The following PLS1 variants were observed in gnomAD, a reference collection of about 807,000 sequenced individuals.
PLS1 encodes plastin-1.
PLS1 carries 32 observed loss-of-function variants against 73.7 expected under a neutral mutation model. That is an observed-to-expected ratio of 0.43 (90% confidence interval 0.33 to 0.58). The LOEUF (loss-of-function observed/expected upper bound fraction) is 0.58. Ranked by LOEUF, PLS1 falls within the 20% of genes least tolerant of loss-of-function variation. PLS1 has a pLI of 0.04. For missense variants in PLS1, 633 were observed against 740.5 expected, an observed-to-expected ratio of 0.85 and a Z score of 1.68; for synonymous variants, 217 against 261.3, an observed-to-expected ratio of 0.83 and a Z score of 1.63.
chr3:142,668,916 T>C (rs929361358), intron 2 of PLS1, among the ~76,000 whole-genome samples: 1 of 152,174 alleles, frequency 6.6e-6, no homozygotes, highest in African/African-American at 2.4e-5. Flanking sequence ...CCATGCTTAT[T>C]TCTTTGATGC....
intron 1 of PLS1, among the ~76,000 whole-genome samples, chr3:142,612,306 G>A (rs767046904): frequency 1.3e-5 from 2 of 152,128 alleles, no homozygotes; most frequent in Non-Finnish European, 2.9e-5. Context: ...ATCGGGGCAG[G>A]GCTGGATTTA....
At chr3:142,685,641 C>T (rs570550196) in intron 8 of PLS1, among the ~76,000 whole-genome samples, 8 of 152,268 alleles carry the variant, frequency 5.3e-5, no homozygotes, top group South Asian at 4.1e-4. Context: ...AGTTGGACTT[C>T]TTATGTAGAG....
intron 1 of PLS1, among the ~76,000 whole-genome samples, chr3:142,620,083 T>C (rs1021922464): frequency 6.6e-6 from 1 of 152,042 alleles, no homozygotes; most frequent in African/African-American, 2.4e-5. Flanking sequence ...TTCTCAGGGG[T>C]CATCACTACC....
chr3:142,683,941 T>C, intron 6 of PLS1, 65 bp from the exon 7 acceptor site: 4 of 1,205,502 alleles, frequency 3.3e-6, no homozygotes, highest in Non-Finnish European at 4.7e-6. Context: ...TTCTTATAGA[T>C]AATTTTTATA....
intron 1 of PLS1, among the ~76,000 whole-genome samples, chr3:142,655,826 C>A (rs1309465292): frequency 6.6e-6 from 1 of 151,780 alleles, no homozygotes. Flanking sequence ...CATAATGGTG[C>A]ATAATTGAAG....
At chr3:142,636,713 C>T (rs970786103) in intron 1 of PLS1, among the ~76,000 whole-genome samples, 10 of 152,098 alleles carry the variant, frequency 6.6e-5, no homozygotes, top group African/African-American at 2.2e-4. Context: ...ATGCAAACAA[C>T]CCTCAACTCA....
At chr3:142,602,607 C>A (rs143318025) in intron 1 of PLS1, among the ~76,000 whole-genome samples, 155 of 152,162 alleles carry the variant, frequency 1.0e-3, no homozygotes, top group African/African-American at 3.6e-3. Context: ...AGGCCCCCCC[C>A]ACCCCATAGG....
intron 3 of PLS1, among the ~76,000 whole-genome samples, chr3:142,670,439 G>T (rs1272362795): frequency 1.3e-5 from 2 of 152,160 alleles, no homozygotes; most frequent in African/African-American, 2.4e-5. Context: ...AGACAATGAA[G>T]TGGGAAGAAT....
chr3:142,602,690 C>T (rs2035949219), intron 1 of PLS1, among the ~76,000 whole-genome samples: 1 of 151,992 alleles, frequency 6.6e-6, no homozygotes, highest in African/African-American at 2.4e-5. Context: ...AGAGAACTTA[C>T]TCTCCTGGGA....
intron 14 of PLS1, among the ~76,000 whole-genome samples, chr3:142,707,778 C>G (rs2038494380): frequency 1.3e-5 from 2 of 152,134 alleles, no homozygotes; most frequent in Non-Finnish European, 2.9e-5. Flanking sequence ...AATAAGAAAA[C>G]AAGAATCACA....
At chr3:142,596,992 A>G (rs991579873) in intron 1 of PLS1, among the ~76,000 whole-genome samples, 5 of 152,152 alleles carry the variant, frequency 3.3e-5, no homozygotes, top group Non-Finnish European at 4.4e-5. Context: ...CGGCATAAAA[A>G]TGTCAGTTTT....
chr3:142,689,567 A>T, intron 9 of PLS1, 51 bp from the exon 10 acceptor site: 1 of 1,119,592 alleles, frequency 8.9e-7, no homozygotes, highest in South Asian at 2.0e-5. Context: ...TACCAATAAA[A>T]ATTATGCCAA....
At chr3:142,641,992 AGT>A (rs1367015302) in intron 1 of PLS1, among the ~76,000 whole-genome samples, 1 of 151,830 alleles carries the variant, frequency 6.6e-6, no homozygotes, top group Non-Finnish European at 1.5e-5. Flanking sequence ...TTGAGTTGTG[AGT>A]GTTGCCCTAC....
At chr3:142,685,192 A>G (rs1308727489) in intron 8 of PLS1, among the ~76,000 whole-genome samples, 5 of 152,200 alleles carry the variant, frequency 3.3e-5, no homozygotes, top group Non-Finnish European at 7.3e-5. Flanking sequence ...TATATTTGAA[A>G]GTTTATTTGG....
At chr3:142,598,255 A>C (rs1372360366) in intron 1 of PLS1, among the ~76,000 whole-genome samples, 3 of 152,188 alleles carry the variant, frequency 2.0e-5, no homozygotes, top group Non-Finnish European at 4.4e-5. Flanking sequence ...AAGCTCTTGG[A>C]GGTTAAAGCC....
At chr3:142,634,018 A>C (rs985773738) in intron 1 of PLS1, among the ~76,000 whole-genome samples, 6 of 152,238 alleles carry the variant, frequency 3.9e-5, no homozygotes, top group Admixed American at 2.6e-4. Context: ...CTAGAGATAA[A>C]ACCTACAGCA....
intron 1 of PLS1, among the ~76,000 whole-genome samples, chr3:142,600,185 A>C (rs1419435011): frequency 6.6e-6 from 1 of 152,176 alleles, no homozygotes; most frequent in African/African-American, 2.4e-5. Flanking sequence ...GAGGTGAAAC[A>C]CAAGGCTGCT....
At position 142,600,574 on chromosome 3, in the gene PLS1, G is replaced by A. The variant is rs368399259; in HGVS notation, c.-37+4065G>A. Among the ~76,000 whole-genome samples the A allele has an allele frequency of 5.8e-4, 89 of 152,204 alleles. 3 individuals are homozygous for A. Among genetic ancestry groups the A allele is most frequent in the Middle Eastern group, 3.4e-3 (1 of 294 alleles). Reference sequence around the variant, plus strand: ...CAGTGCTGCTGAATCCAAACTTCCAGTTCAAGAGGTGGTTTGGAATATTTG... The same window carrying A: ...CAGTGCTGCTGAATCCAAACTTCCAATTCAAGAGGTGGTTTGGAATATTTG... On this transcript the variant is annotated intron_variant, in intron 1 of 15. Coordinates refer to ENST00000457734, the MANE Select transcript of PLS1 (RefSeq NM_001145319.2).
chr3:142,620,602 T>G (rs2036296419), intron 1 of PLS1, among the ~76,000 whole-genome samples: 1 of 152,244 alleles, frequency 6.6e-6, no homozygotes, highest in Admixed American at 6.5e-5. Context: ...TAAATGTTCT[T>G]GCTTTATCAA....
Sources: gnomAD v4.1 joint callset for allele counts (sites outside exome capture counted in the v4.1 genomes callset) on GRCh38, gnomAD v4.1.1 for gene constraint, MANE v1.5 for transcripts, NCBI Gene and HGNC (gene_info 2026-07-23, HGNC 2026-07-21) for gene names.